Variants in SYNE2 observed in about 807,000 individuals in gnomAD.
The protein encoded by SYNE2 is nesprin-2.
A neutral mutation model predicts 856.3 loss-of-function variants in SYNE2; 431 were observed. That is an observed-to-expected ratio of 0.50 (90% CI 0.47 to 0.55). The LOEUF (loss-of-function observed/expected upper bound fraction) is 0.55, where lower values mean the gene tolerates loss of function less well. SYNE2 is among the 20% of genes least tolerant of loss of function. The pLI is 0.00. For synonymous variants in SYNE2, 2,923 were observed against 2,872.3 expected, an observed-to-expected ratio of 1.02 and a Z score of -0.56; for missense variants, 8,129 against 8,023.2, an observed-to-expected ratio of 1.01 and a Z score of -0.50.
intron 49 of SYNE2, among the ~76,000 whole-genome samples, chr14:64,060,118 A>C (rs1194023036): frequency 6.6e-6 from 1 of 151,412 alleles, no homozygotes; most frequent in Non-Finnish European, 1.5e-5. Flanking sequence ...CCTAGACGCC[A>C]AGAGCTCACT....
At chr14:63,955,306 A>G (rs2096227580) in intron 8 of SYNE2, among the ~76,000 whole-genome samples, 1 of 152,030 alleles carries the variant, frequency 6.6e-6, no homozygotes, top group Non-Finnish European at 1.5e-5. Flanking sequence ...TTAAAGCTGA[A>G]CCTCTGTGAG....
intron 110 of SYNE2, among the ~76,000 whole-genome samples, chr14:64,219,866 A>AT (rs1263496979): frequency 6.6e-6 from 1 of 152,124 alleles, no homozygotes; most frequent in African/African-American, 2.4e-5. Context: ...TTACCCTTTT[A>AT]TGCAATTAGG....
Position 64,129,806 on chromosome 14 carries a change from C to A in SYNE2, c.14044C>A (p.Leu4682Met). 6.2e-7 allele frequency: 1 copy of A among 1,614,128 alleles called. No individual in the cohort carries two copies. The change falls in exon 75 of 116, where the codon CTG becomes ATG. Residue 4682 changes from leucine to methionine, a missense_variant. Transcript: ENST00000555002. ...LQKADAYTVELENAESRVAKL... is the reference protein window; with the variant it reads ...LQKADAYTVEMENAESRVAKL... ...GAAAGCAGATGCATATACAGTGGAGCTGGAGAACGCCGAGAGCCGAGTGGC... is the reference window on the plus strand; with the variant it reads ...GAAAGCAGATGCATATACAGTGGAGATGGAGAACGCCGAGAGCCGAGTGGC...
chr14:63,889,385 G>C (rs933690895), intron 1 of SYNE2, among the ~76,000 whole-genome samples: 5 of 151,950 alleles, frequency 3.3e-5, no homozygotes, highest in South Asian at 2.1e-4. Context: ...GGTGGTGTAG[G>C]GGAGGAAAGG....
chr14:64,180,407 T>A (rs1340319554), intron 96 of SYNE2, among the ~76,000 whole-genome samples: 1 of 152,242 alleles, frequency 6.6e-6, no homozygotes, highest in Non-Finnish European at 1.5e-5. Context: ...TTAGATTAAC[T>A]TGGATAATTA....
chr14:63,992,465 A>C (rs949005384), intron 21 of SYNE2, among the ~76,000 whole-genome samples: 1 of 152,052 alleles, frequency 6.6e-6, no homozygotes, highest in African/African-American at 2.4e-5. Flanking sequence ...TTTTTTATAG[A>C]GAAAGGGTCT....
chr14:63,896,875 C>T (rs1292961851), intron 1 of SYNE2, among the ~76,000 whole-genome samples: 2 of 152,136 alleles, frequency 1.3e-5, no homozygotes, highest in African/African-American at 2.4e-5. Context: ...AGTCCTTTGC[C>T]CTCCACTCTG....
At chr14:64,120,794 A>C in intron 67 of SYNE2, 133 bp from the exon 68 acceptor site, 1 of 948,094 alleles carries the variant, frequency 1.1e-6, no homozygotes, top group Non-Finnish European at 1.6e-6. Flanking sequence ...TATAGTATAT[A>C]ATTATAGCAA....
At chr14:64,118,681 C>T (rs529741629) in intron 66 of SYNE2, among the ~76,000 whole-genome samples, 3 of 151,752 alleles carry the variant, frequency 2.0e-5, no homozygotes, top group East Asian at 1.9e-4. Context: ...GCCAAAATGG[C>T]GAAACGCCAT....
chr14:64,204,333 G>A (rs1444915959), intron 100 of SYNE2: 4 of 152,174 alleles, frequency 2.6e-5, no homozygotes, highest in Non-Finnish European at 5.9e-5. Context: ...TAGGATGAAT[G>A]TCTTTGAACA....
At chr14:63,798,480 G>A (rs894355846) in intron 1 of SYNE2, among the ~76,000 whole-genome samples, 2 of 143,280 alleles carry the variant, frequency 1.4e-5, no homozygotes, top group South Asian at 2.3e-4. Flanking sequence ...TACAACCTCC[G>A]CCTCCTAGGC....
At chr14:64,167,466 T>G (rs1350826693) in intron 91 of SYNE2, 29 bp from the exon 92 acceptor site, 1 of 1,614,200 alleles carries the variant, frequency 6.2e-7, no homozygotes, top group Non-Finnish European at 8.5e-7. Flanking sequence ...ATTGTTAACA[T>G]GGGTGTGTTT....
At chr14:63,827,625 CAAAAAAAAAAAA>C (rs11334415) in intron 1 of SYNE2, among the ~76,000 whole-genome samples, 27 of 28,410 alleles carry the variant, frequency 9.5e-4, no homozygotes, top group East Asian at 2.0e-3. Context: ...AACTCTGTCT[CAAAAAAAAAAAA>C]AAAAAAAAAA....
chr14:64,078,056 A>G (rs1403699109), intron 54 of SYNE2, among the ~76,000 whole-genome samples: 1 of 152,220 alleles, frequency 6.6e-6, no homozygotes, highest in African/African-American at 2.4e-5. Context: ...AAACAGATCT[A>G]TGCAGATAGA....
chr14:63,976,193 G>T (rs2096541555), intron 11 of SYNE2, among the ~76,000 whole-genome samples: 2 of 152,224 alleles, frequency 1.3e-5, no homozygotes, highest in South Asian at 2.1e-4. Flanking sequence ...TGTAGTGTCA[G>T]AGCACACAAG....
At chr14:63,935,398 A>G (rs1209595341) in intron 2 of SYNE2, among the ~76,000 whole-genome samples, 2 of 152,214 alleles carry the variant, frequency 1.3e-5, no homozygotes, top group South Asian at 4.1e-4. Context: ...ATCAGTTGCA[A>G]TATTTACTAG....
chr14:63,973,834 A>G (rs946534337), intron 11 of SYNE2, among the ~76,000 whole-genome samples: 1 of 152,162 alleles, frequency 6.6e-6, no homozygotes, highest in Admixed American at 6.5e-5. Context: ...ACTTGGTTAA[A>G]TATCTTTTAG....
At chr14:64,110,688 G>C (rs908580860) in intron 65 of SYNE2, among the ~76,000 whole-genome samples, 4 of 148,428 alleles carry the variant, frequency 2.7e-5, no homozygotes, top group Admixed American at 6.9e-5. Flanking sequence ...TATTTTACAG[G>C]GATGCTACTG....
intron 110 of SYNE2, among the ~76,000 whole-genome samples, chr14:64,220,196 G>C (rs2098688028): frequency 1.3e-5 from 2 of 152,188 alleles, no homozygotes; most frequent in African/African-American, 4.8e-5. Context: ...GGCCTGTAGA[G>C]GTCAGCAGGG....
Sources: gnomAD v4.1 joint callset for allele counts (sites outside exome capture counted in the v4.1 genomes callset) on GRCh38, gnomAD v4.1.1 for gene constraint, MANE v1.5 for transcripts, NCBI Gene and HGNC (gene_info 2026-07-23, HGNC 2026-07-21) for gene names.